Variants in COL5A2 observed in about 807,000 individuals in gnomAD.
COL5A2 encodes the protein collagen alpha-2(V) chain.
In COL5A2, 23 loss-of-function variants were observed where a neutral mutation model predicts 208.2. The ratio of observed to expected loss-of-function variants is 0.11; its 90% CI spans 0.08 to 0.16. The LOEUF (loss-of-function observed/expected upper bound fraction) is 0.16. COL5A2 is among the 10% of genes least tolerant of loss of function. COL5A2 has a pLI of 1.00. For missense variants in COL5A2, 1,590 were observed against 1,956.4 expected (o/e 0.81, Z 3.53); for synonymous variants, 625 against 628.5 (o/e 0.99, Z 0.08).
chr2:189,205,912 C>A (rs1323519902), intron 1 of COL5A2, among the ~76,000 whole-genome samples: 1 of 152,098 alleles, frequency 6.6e-6, no homozygotes, highest in Non-Finnish European at 1.5e-5. Flanking sequence ...CTTCTTATTA[C>A]CCCACCAAAA....
chr2:189,248,389 G>A, the COL5A2 span, among the ~76,000 whole-genome samples: 1 of 152,136 alleles, frequency 6.6e-6, no homozygotes, highest in African/African-American at 2.4e-5. Context: ...AACTACTAGA[G>A]TATTAGTAAG....
In COL5A2 at chr2:189,051,358, G is replaced by C. The variant is rs368769864; in HGVS notation, c.2893C>G (p.Pro965Ala). 2 of 1,613,664 alleles carry C rather than the reference G, an allele frequency of 1.2e-6. No homozygotes were observed. The highest frequency in any genetic ancestry group is 2.7e-5 in the African/African-American group (2 of 74,824). ...DRGPAGPPGGPGDKGDPGEDG... is the reference protein window; with the variant it reads ...DRGPAGPPGGAGDKGDPGEDG... ...TCTCCTGGGTCCCCTTTGTCTCCTG[G>C]GCCACCAGGGGGGCCAGCTGGTCCT... The change falls in exon 42 of 54, where the codon CCA becomes GCA. Residue 965 changes from proline (P) to alanine (A), a missense_variant. Physicochemically the swap from Pro to Ala is conservative, Grantham distance 27. Transcript: ENST00000374866.
intron 1 of COL5A2, among the ~76,000 whole-genome samples, chr2:189,164,567 G>T (rs1350028558): frequency 6.6e-6 from 1 of 151,688 alleles, no homozygotes; most frequent in African/African-American, 2.4e-5. Context: ...TATTCCTTTT[G>T]ATTATTATTA....
intron 5 of COL5A2, 72 bp downstream of exon 5, chr2:189,098,655 A>G: frequency 2.6e-6 from 3 of 1,150,028 alleles, no homozygotes; most frequent in Non-Finnish European, 2.6e-6. Context: ...TCTCATGGAT[A>G]TAATATCTGT....
the COL5A2 span, among the ~76,000 whole-genome samples, chr2:189,436,800 T>C: frequency 6.6e-6 from 1 of 152,034 alleles, no homozygotes; most frequent in East Asian, 1.9e-4. Flanking sequence ...GAGGTGGTGA[T>C]GAGAATACAT....
In COL5A2 at chr2:189,194,789, T is replaced by G. The variant is rs147291627; in HGVS notation, c.-42+30359A>C. The stretch of plus-strand genomic sequence containing the variant: ...TAAGTTCCATCAATACCTACTTTAT[T>G]GAAAGATTTTAACATGAAGGGATGT... On this transcript the variant is annotated intron_variant, in intron 1 of 10. Coordinates refer to the COL5A2 transcript ENST00000649966. Among the ~76,000 whole-genome samples, 231 of 152,304 alleles carry G rather than the reference T, an allele frequency of 1.5e-3. 3 individuals are homozygous for G. The Middle Eastern group carries it at 0.017, about 11-fold the overall frequency.
chr2:189,177,197 AT>A (rs1187225549), intron 1 of COL5A2, among the ~76,000 whole-genome samples: 2 of 152,250 alleles, frequency 1.3e-5, no homozygotes, highest in Non-Finnish European at 2.9e-5. Context: ...TAAATATCAC[AT>A]TATGTGACTG....
At chr2:189,353,651 AC>A in the COL5A2 span, among the ~76,000 whole-genome samples, 1 of 152,022 alleles carries the variant, frequency 6.6e-6, no homozygotes. Flanking sequence ...GTATACTGAG[AC>A]CGCTGAAGGT....
At chr2:189,159,006 C>T (rs369306766) in intron 1 of COL5A2, among the ~76,000 whole-genome samples, 2 of 152,124 alleles carry the variant, frequency 1.3e-5, no homozygotes, top group East Asian at 1.9e-4. Flanking sequence ...TATTTATACT[C>T]TACGGATTGA....
At chr2:189,338,893 C>G in the COL5A2 span, among the ~76,000 whole-genome samples, 1 of 152,020 alleles carries the variant, frequency 6.6e-6, no homozygotes, top group Non-Finnish European at 1.5e-5. Context: ...TTCCATTTCT[C>G]GTTGACTCTT....
the COL5A2 span, among the ~76,000 whole-genome samples, chr2:189,356,752 T>C: frequency 6.6e-6 from 1 of 152,214 alleles, no homozygotes; most frequent in Admixed American, 6.5e-5. Flanking sequence ...ATCAAACTCA[T>C]TCTCCATTCA....
chr2:189,122,724 T>C (rs532975758), intron 1 of COL5A2, among the ~76,000 whole-genome samples: 4 of 152,166 alleles, frequency 2.6e-5, no homozygotes, highest in African/African-American at 2.4e-5. Flanking sequence ...GCCTGATACA[T>C]GAAATGCTTG....
the COL5A2 span, among the ~76,000 whole-genome samples, chr2:189,399,170 C>T: frequency 6.6e-6 from 1 of 151,648 alleles, no homozygotes. Context: ...GTGTGAAGTA[C>T]TTCATTAGTG....
the COL5A2 span, among the ~76,000 whole-genome samples, chr2:189,393,988 G>A: frequency 6.6e-6 from 1 of 152,044 alleles, no homozygotes; most frequent in African/African-American, 2.4e-5. Flanking sequence ...ATCTGTTGTA[G>A]GCCATTTTCT....
the COL5A2 span, among the ~76,000 whole-genome samples, chr2:189,396,821 C>T: frequency 6.6e-6 from 1 of 151,508 alleles, no homozygotes; most frequent in East Asian, 1.9e-4. Context: ...GGTGAAACAC[C>T]GTCTCTACTA....
intron 1 of COL5A2, among the ~76,000 whole-genome samples, chr2:189,196,727 C>A (rs932270899): frequency 1.2e-4 from 18 of 152,018 alleles, no homozygotes; most frequent in Non-Finnish European, 1.6e-4. Flanking sequence ...TAGAGAAATG[C>A]AAATCAAAAC....
intron 1 of COL5A2, among the ~76,000 whole-genome samples, chr2:189,162,111 A>AG (rs1688378858): frequency 6.6e-6 from 1 of 152,192 alleles, no homozygotes; most frequent in African/African-American, 2.4e-5. Flanking sequence ...AGTATGTGGG[A>AG]GGGAAGTCTT....
At chr2:189,242,085 TA>T in the COL5A2 span, among the ~76,000 whole-genome samples, 1 of 152,238 alleles carries the variant, frequency 6.6e-6, no homozygotes, top group South Asian at 2.1e-4. Context: ...TAAAGACATT[TA>T]AAAATATATA....
chr2:189,295,120 T>C, the COL5A2 span, among the ~76,000 whole-genome samples: 2 of 152,210 alleles, frequency 1.3e-5, no homozygotes, highest in South Asian at 4.1e-4. Context: ...CACACTTTCT[T>C]TTATTCTTTC....
Sources: gnomAD v4.1 joint callset for allele counts (sites outside exome capture counted in the v4.1 genomes callset) on GRCh38, gnomAD v4.1.1 for gene constraint, MANE v1.5 for transcripts, NCBI Gene and HGNC (gene_info 2026-07-23, HGNC 2026-07-21) for gene names.